The following ABCC3 variants were observed in gnomAD, a reference collection of about 807,000 sequenced individuals.
ABCC3 encodes the protein ATP-binding cassette sub-family C member 3.
In ABCC3, 121 loss-of-function variants were observed where a neutral mutation model predicts 165.3. That is an observed-to-expected ratio of 0.73 (90% CI 0.63 to 0.85). The LOEUF (loss-of-function observed/expected upper bound fraction) is 0.85. Ranked by LOEUF, ABCC3 falls within the 40% of genes least tolerant of loss-of-function variation. The pLI is 0.00. For synonymous variants in ABCC3, 733 were observed against 810.1 expected (o/e 0.90, Z 1.62); for missense variants, 1,869 against 1,964.1 (o/e 0.95, Z 0.92).
intron 23 of ABCC3, 87 bp downstream of exon 23, chr17:50,676,675 C>G: frequency 1.7e-6 from 2 of 1,206,482 alleles, no homozygotes; most frequent in Non-Finnish European, 2.3e-6. Flanking sequence ...TGGGACACTT[C>G]AGGCCACCAA....
intron 8 of ABCC3, among the ~76,000 whole-genome samples, chr17:50,661,392 A>G (rs548734756): frequency 6.6e-6 from 1 of 152,356 alleles, no homozygotes; most frequent in Admixed American, 6.5e-5. Flanking sequence ...TCCTATGCGG[A>G]ATTGCCCCAT....
chr17:50,670,816 G>T (rs1443887130), intron 17 of ABCC3, among the ~76,000 whole-genome samples: 1 of 152,140 alleles, frequency 6.6e-6, no homozygotes, highest in Non-Finnish European at 1.5e-5. Flanking sequence ...ATGACTAGGA[G>T]TTGGGAAATG....
At chr17:50,682,863 A>G (rs1967951987) in intron 26 of ABCC3, among the ~76,000 whole-genome samples, 1 of 152,134 alleles carries the variant, frequency 6.6e-6, no homozygotes, top group Admixed American at 6.5e-5. Context: ...ATGAATGGGT[A>G]AAGGTAATGA....
intron 11 of ABCC3, 52 bp from the exon 12 acceptor site, chr17:50,667,502 G>A (rs1967548129): frequency 3.3e-6 from 5 of 1,508,976 alleles, no homozygotes; most frequent in Non-Finnish European, 4.5e-6. Flanking sequence ...CTGTGAGCAG[G>A]AGGTCAGGGG....
At chr17:50,659,012 GGGA>G (rs1670129726) in intron 6 of ABCC3, among the ~76,000 whole-genome samples, 2 of 152,166 alleles carry the variant, frequency 1.3e-5, no homozygotes, top group Admixed American at 6.5e-5. Flanking sequence ...GGGACACCTG[GGGA>G]GGAGGAGGAG....
At chr17:50,675,243 T>C in intron 19 of ABCC3, 119 bp from the exon 20 acceptor site, 1 of 620,680 alleles carries the variant, frequency 1.6e-6, no homozygotes, top group Non-Finnish European at 2.7e-6. Context: ...TCAATCCCCC[T>C]CATTTTATTT....
intron 1 of ABCC3, among the ~76,000 whole-genome samples, chr17:50,641,261 CT>C (rs1326194990): frequency 3.3e-5 from 5 of 152,224 alleles, no homozygotes; most frequent in Non-Finnish European, 2.9e-5. Context: ...ATTAAGGAAG[CT>C]GTTGTTGCTG....
At chr17:50,657,017 G>T (rs773947457) in intron 3 of ABCC3, 29 bp from the exon 4 acceptor site, 1 of 1,607,238 alleles carries the variant, frequency 6.2e-7, no homozygotes, top group Non-Finnish European at 8.5e-7. Flanking sequence ...TGTGTGTTCT[G>T]CCCGGGCCTC....
At chr17:50,643,701 G>A (rs976806535) in intron 1 of ABCC3, 2 of 450,742 alleles carry the variant, frequency 4.4e-6, no homozygotes, top group African/African-American at 4.0e-5. Flanking sequence ...CCCTGGAGTG[G>A]TTAGGTTAGG....
At chr17:50,642,064 TG>T (rs1311373289) in intron 1 of ABCC3, among the ~76,000 whole-genome samples, 2 of 150,834 alleles carry the variant, frequency 1.3e-5, no homozygotes, top group African/African-American at 4.9e-5. Flanking sequence ...GAAGGTAGAA[TG>T]GACAGGGTTT....
At chr17:50,646,635 G>A (rs1216855201) in intron 1 of ABCC3, among the ~76,000 whole-genome samples, 1 of 152,202 alleles carries the variant, frequency 6.6e-6, no homozygotes, top group Non-Finnish European at 1.5e-5. Context: ...GACTGTGATG[G>A]CATGGCCAGA....
chr17:50,658,410 C>A, intron 5 of ABCC3, 25 bp from the exon 6 acceptor site: 1 of 1,610,776 alleles, frequency 6.2e-7, no homozygotes, highest in Non-Finnish European at 8.5e-7. Context: ...TCCTGATTCC[C>A]CCGTCCTATT....
chr17:50,677,335 G>A (rs1967841833), intron 23 of ABCC3, among the ~76,000 whole-genome samples: 1 of 152,198 alleles, frequency 6.6e-6, no homozygotes, highest in African/African-American at 2.4e-5. Context: ...AAAGGCCTTT[G>A]CAGACACTGA....
In ABCC3 at chr17:50,676,204, CGT is replaced by C. The variant is rs2146633657; in HGVS notation, c.3068-71_3068-70del. The C allele has an allele frequency of 3.8e-6, 6 of 1,585,808 alleles. No homozygotes were observed. In the South Asian group the frequency reaches 6.9e-5, roughly 18 times the overall value. On this transcript the variant is annotated intron_variant, in intron 22 of 30. Transcript: ENST00000285238. The stretch of plus-strand genomic sequence containing the variant: ...CCTCCCTAACCCACTCTGGTCAACC[CGT>C]GTCTCTGATTCTGCCCCTTTGTGCC...
At chr17:50,649,464 C>T (rs1597841692) in intron 1 of ABCC3, among the ~76,000 whole-genome samples, 2 of 152,048 alleles carry the variant, frequency 1.3e-5, no homozygotes, top group African/African-American at 2.4e-5. Flanking sequence ...GACTTGGCTG[C>T]TTATTGTAAG....
chr17:50,648,181 A>G lies in ABCC3; in HGVS notation c.46-7651A>G, dbSNP rs147428030. On this transcript the variant is annotated intron_variant, in intron 1 of 30. Coordinates refer to ENST00000285238, the MANE Select transcript of ABCC3 (RefSeq NM_003786.4). Reference sequence around the variant, plus strand: ...ATGTAAACCTACAAGGACAAAGAGAAGAGGAGACAACAGCAGACAAGATAT... The same window carrying G: ...ATGTAAACCTACAAGGACAAAGAGAGGAGGAGACAACAGCAGACAAGATAT... Among the ~76,000 whole-genome samples the G allele has an allele frequency of 7.2e-5, 11 of 152,342 alleles. 1 individual carries two copies. Among genetic ancestry groups the G allele is most frequent in the Non-Finnish European group, 1.5e-4 (10 of 68,036 alleles).
chr17:50,675,921 G>T lies in ABCC3; in HGVS notation c.2898G>T (p.Val966=). The change falls in exon 22 of 31, where the codon GTG becomes GTT. Residue 966 remains valine, a synonymous_variant. Coordinates refer to ENST00000285238, the MANE Select transcript of ABCC3 (RefSeq NM_003786.4). ...LSVFWDYAKA[V]GLCTTLAICL... The stretch of plus-strand genomic sequence containing the variant: ...TGTTCTGGGATTATGCCAAGGCCGT[G>T]GGGCTCTGTACCACGCTGGCCATCT... The T allele has an allele frequency of 1.9e-6, 3 of 1,614,160 alleles. No homozygotes were observed. The highest frequency in any genetic ancestry group is 1.7e-6 in the Non-Finnish European group (2 of 1,180,024).
chr17:50,657,056 C>A lies in ABCC3; in HGVS notation c.359C>A (p.Thr120Asn). 1 of 1,613,610 alleles carries A rather than the reference C, an allele frequency of 6.2e-7. No homozygotes were observed. Among genetic ancestry groups the A allele is most frequent in the Non-Finnish European group, 8.5e-7 (1 of 1,179,752 alleles). The change falls in exon 4 of 31, where the codon ACC becomes AAC. Residue 120 changes from threonine to asparagine, a missense_variant. By Grantham distance (65) the Thr-to-Asn change is moderately conservative. Coordinates refer to ENST00000285238, the MANE Select transcript of ABCC3 (RefSeq NM_003786.4). ...GCCCTCCCTGCACAGCTGCTGGCCA[C>A]CCTGCTGATACAGTATGAGCGGCTG... ...LVVGVTMLLA[T>N]LLIQYERLQG...
rs761927302 is a variant in ABCC3, at chr17:50,677,789, G to T, written c.3424G>T (p.Val1142Phe). ...TSRQLKRLES[V>F]SRSPIYSHFS... ...ACGGCAACTGAAGCGGCTGGAATCA[G>T]TCAGCCGCTCACCTATCTACTCCCA... Residue 1142 changes from valine to phenylalanine, a missense_variant, in exon 24 of 31, where the codon GTC becomes TTC. Physicochemically the swap from Val to Phe is conservative, Grantham distance 50 (BLOSUM62 -1). Transcript: ENST00000285238. 1 of 1,613,994 alleles carries T rather than the reference G, an allele frequency of 6.2e-7. No homozygotes were observed. Among genetic ancestry groups the T allele is most frequent in the Non-Finnish European group, 8.5e-7 (1 of 1,180,026 alleles).
Sources: allele counts gnomAD v4.1 joint callset (sites outside exome capture counted in the v4.1 genomes callset), GRCh38; gene constraint gnomAD v4.1.1; transcripts MANE v1.5; gene names NCBI Gene and HGNC (gene_info 2026-07-23, HGNC 2026-07-21).